Variants in SMG6 observed in about 807,000 individuals in gnomAD.
The protein encoded by SMG6 is SMG6 nonsense mediated mRNA decay factor, also known as telomerase-binding protein EST1A.
SMG6 carries 66 observed loss-of-function variants against 142.2 expected under a neutral mutation model. That is an observed-to-expected ratio of 0.46 (90% CI 0.38 to 0.57). The LOEUF (loss-of-function observed/expected upper bound fraction) is 0.57. Ranked by LOEUF, SMG6 falls within the 20% of genes least tolerant of loss-of-function variation. The probability of loss-of-function intolerance (pLI) is 0.00; values close to 1 mark genes in which losing one functional copy is unlikely to be tolerated. For synonymous variants in SMG6, 779 were observed against 702.4 expected (o/e 1.11, Z -1.72); for missense variants, 1,793 against 1,832.0 (o/e 0.98, Z 0.39).
intron 12 of SMG6, among the ~76,000 whole-genome samples, chr17:2,176,879 A>G (rs768835025): frequency 2.0e-5 from 3 of 152,256 alleles, no homozygotes; most frequent in Non-Finnish European, 4.4e-5. Flanking sequence ...TTAGTCCACC[A>G]GGAAAGGAAA....
At chr17:2,171,109 A>G (rs1354584405) in intron 13 of SMG6, among the ~76,000 whole-genome samples, 1 of 151,984 alleles carries the variant, frequency 6.6e-6, no homozygotes, top group South Asian at 2.1e-4. Context: ...CCCCATCTCT[A>G]TAAAAAATAC....
At chr17:2,150,184 G>A (rs1008637808) in intron 13 of SMG6, among the ~76,000 whole-genome samples, 5 of 152,210 alleles carry the variant, frequency 3.3e-5, no homozygotes, top group East Asian at 1.9e-4. Flanking sequence ...GGAGTGGAGC[G>A]CGAACCCTAT....
At chr17:2,240,253 A>C (rs1395482766) in intron 9 of SMG6, 2 of 152,234 alleles carry the variant, frequency 1.3e-5, no homozygotes, top group East Asian at 3.8e-4. Flanking sequence ...CCAATCTTTC[A>C]GACAACACCG....
At chr17:2,223,436 T>C (rs1335652335) in intron 10 of SMG6, among the ~76,000 whole-genome samples, 2 of 152,120 alleles carry the variant, frequency 1.3e-5, no homozygotes, top group Non-Finnish European at 2.9e-5. Context: ...CATTCCTAAA[T>C]AGACGACAAT....
intron 10 of SMG6, among the ~76,000 whole-genome samples, chr17:2,230,171 G>C (rs1195456394): frequency 1.0e-5 from 1 of 96,502 alleles, no homozygotes; most frequent in East Asian, 3.3e-4. Flanking sequence ...GGGCCACAGA[G>C]CAAGACTCCG....
At chr17:2,179,631 T>G (rs1267598139) in intron 12 of SMG6, among the ~76,000 whole-genome samples, 1 of 151,924 alleles carries the variant, frequency 6.6e-6, no homozygotes, top group Admixed American at 6.6e-5. Flanking sequence ...GATAAATGCA[T>G]CCGAGCTACA....
chr17:2,086,055 G>C (rs2068553141), intron 13 of SMG6, among the ~76,000 whole-genome samples, 154 bp from the exon 14 acceptor site: 1 of 152,186 alleles, frequency 6.6e-6, no homozygotes, highest in Non-Finnish European at 1.5e-5. Flanking sequence ...GGGCACAAGG[G>C]CATGTCAGGT....
intron 13 of SMG6, among the ~76,000 whole-genome samples, chr17:2,154,335 G>A (rs113459748): frequency 0.027 from 4,084 of 151,222 alleles, 84 homozygotes; most frequent in Non-Finnish European, 0.044. Context: ...AGAGTGTGAC[G>A]GTGACGGGGG....
At chr17:2,089,222 T>C (rs1420098101) in intron 13 of SMG6, among the ~76,000 whole-genome samples, 1 of 152,166 alleles carries the variant, frequency 6.6e-6, no homozygotes, top group Admixed American at 6.5e-5. Context: ...GTGGCATGTA[T>C]ATCGCAGCTC....
chr17:2,136,632 A>G (rs1567627117), intron 13 of SMG6, among the ~76,000 whole-genome samples: 1 of 152,144 alleles, frequency 6.6e-6, no homozygotes, highest in East Asian at 1.9e-4. Flanking sequence ...ACTCAGGGAA[A>G]ACTTTACTGA....
Position 2,061,525 on chromosome 17 carries a change from G to A in SMG6, c.4227C>T (p.Ile1409=). The change falls in exon 19 of 19, where the codon ATC becomes ATT. Residue 1409 remains isoleucine (I), a synonymous_variant. Coordinates refer to ENST00000263073, the MANE Select transcript of SMG6 (RefSeq NM_017575.5). The part of the protein sequence containing the change: ...ALTRNVPVRD[I]PAFLTWAQVG ...CCTGGGCCCACGTGAGGAAGGCTGG[G>A]ATGTCCCGTACAGGAACATTCCTTG... is the stretch of plus-strand genomic sequence containing the variant. 1.3e-6 allele frequency: 2 copies of A among 1,575,260 alleles called. No homozygotes were observed. The highest frequency in any genetic ancestry group is 2.7e-5 in the African/African-American group (2 of 74,252).
intron 4 of SMG6, among the ~76,000 whole-genome samples, chr17:2,295,507 G>A (rs547139031): frequency 3.9e-5 from 6 of 152,194 alleles, no homozygotes; most frequent in African/African-American, 1.4e-4. Context: ...ACTACAATCC[G>A]GCTTCCAGTT....
At chr17:2,242,477 C>A (rs190909387) in intron 9 of SMG6, among the ~76,000 whole-genome samples, 4 of 149,952 alleles carry the variant, frequency 2.7e-5, no homozygotes, top group Non-Finnish European at 2.9e-5. Context: ...TTGCAGTGAG[C>A]GGAGATCGCG....
In SMG6 at chr17:2,102,356, A is replaced by T. The variant is rs529248144; in HGVS notation, c.3358-16455T>A. 3.3e-5 allele frequency among the ~76,000 whole-genome samples: 5 copies of T among 151,786 alleles called. No individual in the cohort carries two copies. In the South Asian group the frequency reaches 6.2e-4, roughly 19 times the overall value. ...TGAGAAAATTTGAAATTTACTCTTA[A>T]AGGAATTTTTTTTTCTTTTAGACAG... On this transcript the variant is annotated intron_variant, in intron 13 of 18. Coordinates refer to ENST00000263073, the MANE Select transcript of SMG6 (RefSeq NM_017575.5).
rs935096187 is a variant in SMG6 at position 2,103,688 on chromosome 17, G to C, written c.3358-17787C>G. Reference sequence around the variant, plus strand: ...TCGCCCCACGCTCTTCTTGTGAGCTGTTTCTTTCCCATGACCACCTCCAAC... The same window carrying C: ...TCGCCCCACGCTCTTCTTGTGAGCTCTTTCTTTCCCATGACCACCTCCAAC... On this transcript the variant is annotated intron_variant, in intron 13 of 18. Coordinates refer to ENST00000263073, the MANE Select transcript of SMG6 (RefSeq NM_017575.5). Among the ~76,000 whole-genome samples the C allele has an allele frequency of 7.9e-5, 12 of 152,186 alleles. No homozygotes were observed. In the East Asian group the frequency reaches 2.3e-3, roughly 29 times the overall value.
At position 2,300,217 on chromosome 17, in the gene SMG6, T is replaced by C; in HGVS notation, c.536A>G (p.Glu179Gly). Residue 179 changes from glutamate to glycine, a missense_variant, in exon 2 of 19, where the codon GAA becomes GGA. This residue lies in a region of SMG6 where 1,597 missense variants were observed against 1,584.6 expected (regional missense o/e 1.01). Coordinates refer to ENST00000263073, the MANE Select transcript of SMG6 (RefSeq NM_017575.5). ...LNQVEQLRVEEDECRGNVAKE... is the reference protein window; with the variant it reads ...LNQVEQLRVEGDECRGNVAKE... ...CGCAACATTTCCCCTACACTCATCTTCCTCTACTCTCAGTTGTTCTACCTG... is the reference window on the plus strand; with the variant it reads ...CGCAACATTTCCCCTACACTCATCTCCCTCTACTCTCAGTTGTTCTACCTG... The C allele has an allele frequency of 6.2e-7, 1 of 1,614,166 alleles. No homozygotes were observed. Among genetic ancestry groups the C allele is most frequent in the Non-Finnish European group, 8.5e-7 (1 of 1,180,044 alleles).
At chr17:2,188,897 C>A (rs2072075211) in intron 10 of SMG6, among the ~76,000 whole-genome samples, 1 of 152,176 alleles carries the variant, frequency 6.6e-6, no homozygotes, top group African/African-American at 2.4e-5. Flanking sequence ...AACAGGAGCA[C>A]AGTCATCAGT....
intron 13 of SMG6, among the ~76,000 whole-genome samples, chr17:2,104,313 C>A (rs927938981): frequency 6.6e-6 from 1 of 152,096 alleles, no homozygotes; most frequent in Non-Finnish European, 1.5e-5. Flanking sequence ...CCAGGCAGGT[C>A]ACGAATTCCT....
chr17:2,208,529 C>A (rs2072755968), intron 10 of SMG6, among the ~76,000 whole-genome samples: 2 of 152,202 alleles, frequency 1.3e-5, no homozygotes, highest in Admixed American at 1.3e-4. Flanking sequence ...GGTGTTGAAG[C>A]TGATCTGAAC....
Sources: allele counts gnomAD v4.1 joint callset (sites outside exome capture counted in the v4.1 genomes callset), GRCh38; gene constraint gnomAD v4.1.1; regional missense constraint gnomAD v4.1.1; transcripts MANE v1.5; gene names NCBI Gene and HGNC (gene_info 2026-07-23, HGNC 2026-07-21).